AFG1L: variants seen among roughly 807,000 people sequenced by gnomAD.
AFG1L encodes AFG1-like ATPase.
Under a neutral mutation model 62.2 loss-of-function variants are expected in AFG1L, and 53 were observed. The ratio of observed to expected loss-of-function variants is 0.85; its 90% CI spans 0.68 to 1.07. The LOEUF (loss-of-function observed/expected upper bound fraction) is 1.07, where lower values mean the gene tolerates loss of function less well. AFG1L is among the 50% of genes least tolerant of loss of function. AFG1L has a pLI of 0.00. For missense variants in AFG1L, 555 were observed against 590.5 expected, an observed-to-expected ratio of 0.94 and a Z score of 0.62; for synonymous variants, 228 against 210.3, an observed-to-expected ratio of 1.08 and a Z score of -0.73.
At chr6:108,411,500 C>T (rs1420875585) in intron 7 of AFG1L, among the ~76,000 whole-genome samples, 2 of 152,204 alleles carry the variant, frequency 1.3e-5, no homozygotes, top group African/African-American at 4.8e-5. Flanking sequence ...CTGGGAGACA[C>T]CTCTCAGTAG....
intron 7 of AFG1L, among the ~76,000 whole-genome samples, chr6:108,417,310 GAA>G (rs1770361479): frequency 6.8e-6 from 1 of 146,630 alleles, no homozygotes; most frequent in African/African-American, 2.5e-5. Context: ...GGGAAAAAAA[GAA>G]AAAGAAAAGG....
intron 6 of AFG1L, among the ~76,000 whole-genome samples, chr6:108,396,984 T>A (rs757935253): frequency 4.1e-4 from 62 of 152,192 alleles, no homozygotes; most frequent in Non-Finnish European, 8.2e-4. Context: ...CTATAATAAT[T>A]CTGTTGTGCT....
At chr6:108,499,562 G>A (rs1221027918) in intron 10 of AFG1L, among the ~76,000 whole-genome samples, 5 of 133,648 alleles carry the variant, frequency 3.7e-5, no homozygotes, top group South Asian at 2.5e-4. Flanking sequence ...AGCATAGCAA[G>A]ACCTCATCTC....
chr6:108,305,545 C>T (rs1219164199), intron 1 of AFG1L, among the ~76,000 whole-genome samples: 3 of 152,042 alleles, frequency 2.0e-5, no homozygotes, highest in East Asian at 1.9e-4. Context: ...CCCACCAGTA[C>T]GCCCGGCTAA....
At chr6:108,391,917 C>T (rs540909570) in intron 6 of AFG1L, among the ~76,000 whole-genome samples, 1 of 152,250 alleles carries the variant, frequency 6.6e-6, no homozygotes, top group South Asian at 2.1e-4. Context: ...GAAAGCCTGC[C>T]ATTGTTAATG....
At chr6:108,475,751 G>A (rs1773082669) in intron 8 of AFG1L, among the ~76,000 whole-genome samples, 1 of 152,118 alleles carries the variant, frequency 6.6e-6, no homozygotes, top group African/African-American at 2.4e-5. Flanking sequence ...TATATGCTTT[G>A]TTGCATTTTA....
At chr6:108,496,557 G>A (rs567120335) in intron 10 of AFG1L, among the ~76,000 whole-genome samples, 39 of 152,232 alleles carry the variant, frequency 2.6e-4, no homozygotes, top group African/African-American at 7.2e-4. Context: ...TATTCATGAT[G>A]TATTGTAATA....
chr6:108,394,042 TTCCC>T (rs1415148334), intron 6 of AFG1L, among the ~76,000 whole-genome samples: 1 of 146,710 alleles, frequency 6.8e-6, no homozygotes, highest in African/African-American at 2.5e-5. Flanking sequence ...TCCCCTTCCC[TTCCC>T]TCCCTCCCTC....
chr6:108,493,150 G>T lies in AFG1L; in HGVS notation c.1062+15858G>T, dbSNP rs568310373. On this transcript the variant is annotated intron_variant, in intron 10 of 12. Coordinates refer to ENST00000368977, the MANE Select transcript of AFG1L (RefSeq NM_145315.5). ...TTGGCCTGAAGCTAAACAAATCTTAGCAAGGGAGCCGTGAGAATCAAAACC... is the reference window on the plus strand; with the variant it reads ...TTGGCCTGAAGCTAAACAAATCTTATCAAGGGAGCCGTGAGAATCAAAACC... Among the ~76,000 whole-genome samples the T allele has an allele frequency of 7.9e-5, 12 of 152,254 alleles. No homozygotes were observed. In the East Asian group the frequency reaches 2.3e-3, roughly 29 times the overall value.
At chr6:108,313,844 G>C (rs1777497694) in intron 1 of AFG1L, among the ~76,000 whole-genome samples, 2 of 152,086 alleles carry the variant, frequency 1.3e-5, no homozygotes, top group South Asian at 4.1e-4. Flanking sequence ...CCAGCCCATA[G>C]ATATCTCTTA....
intron 6 of AFG1L, among the ~76,000 whole-genome samples, chr6:108,401,120 C>A (rs1416743332): frequency 6.7e-6 from 1 of 149,282 alleles, no homozygotes; most frequent in Non-Finnish European, 1.5e-5. Flanking sequence ...GTTCCCAACA[C>A]CATGCCTGGC....
intron 1 of AFG1L, among the ~76,000 whole-genome samples, chr6:108,299,266 AG>A (rs1472957058): frequency 1.0e-4 from 15 of 148,526 alleles, no homozygotes; most frequent in African/African-American, 3.6e-4. Context: ...ATCTCAAAAA[AG>A]AAAAAAAAAA....
chr6:108,481,112 A>C (rs1189215556), intron 10 of AFG1L, among the ~76,000 whole-genome samples: 1 of 152,186 alleles, frequency 6.6e-6, no homozygotes, highest in Non-Finnish European at 1.5e-5. Flanking sequence ...CCCATTAATA[A>C]AAATACTTTC....
rs771884393 is a variant in AFG1L, at chr6:108,349,201, C to T, written c.415+2162C>T. 5.3e-5 allele frequency among the ~76,000 whole-genome samples: 8 copies of T among 151,974 alleles called. No individual in the cohort carries two copies. The East Asian group carries it at 1.2e-3, about 22-fold the overall frequency. ...TCAGACCACTTATAAAATATGTAAT[C>T]GGCCAGGCATGGTGGCTCATACCTG... is the stretch of plus-strand genomic sequence containing the variant. On this transcript the variant is annotated intron_variant, in intron 3 of 12. Coordinates refer to ENST00000368977, the MANE Select transcript of AFG1L (RefSeq NM_145315.5).
intron 7 of AFG1L, among the ~76,000 whole-genome samples, chr6:108,434,245 C>T (rs956558233): frequency 3.9e-5 from 6 of 152,174 alleles, no homozygotes. Context: ...GCTCCTAACT[C>T]AGAATTTTTG....
chr6:108,383,499 A>G (rs182548830), intron 6 of AFG1L, among the ~76,000 whole-genome samples: 23 of 152,300 alleles, frequency 1.5e-4, no homozygotes, highest in South Asian at 6.2e-4. Flanking sequence ...AATTAAATAA[A>G]TTAAAATTTT....
intron 11 of AFG1L, among the ~76,000 whole-genome samples, chr6:108,515,609 A>T (rs535731015): frequency 3.9e-4 from 60 of 152,340 alleles, no homozygotes; most frequent in South Asian, 1.0e-3. Flanking sequence ...GCAAGAGCAA[A>T]CACATTCAAA....
intron 5 of AFG1L, among the ~76,000 whole-genome samples, chr6:108,362,373 T>C (rs1271559630): frequency 6.6e-6 from 1 of 152,176 alleles, no homozygotes; most frequent in Non-Finnish European, 1.5e-5. Flanking sequence ...TTATATTCCA[T>C]CTATTATATA....
At chr6:108,460,582 C>T (rs963513371) in intron 8 of AFG1L, among the ~76,000 whole-genome samples, 1 of 152,064 alleles carries the variant, frequency 6.6e-6, no homozygotes, top group Non-Finnish European at 1.5e-5. Context: ...ACTGCTTTCT[C>T]TTACATTAAG....
Sources: gnomAD v4.1 joint callset for allele counts (sites outside exome capture counted in the v4.1 genomes callset) on GRCh38, gnomAD v4.1.1 for gene constraint, MANE v1.5 for transcripts, NCBI Gene and HGNC (gene_info 2026-07-23, HGNC 2026-07-21) for gene names.